KHDRBS3: variants seen among roughly 807,000 people sequenced by gnomAD.
KHDRBS3 encodes the protein KH RNA binding domain containing, signal transduction associated 3, also known as KH domain-containing, RNA-binding, signal transduction-associated protein 3.
KHDRBS3 carries 23 observed loss-of-function variants against 45.6 expected under a neutral mutation model. The observed-to-expected ratio is 0.50, with a 90% CI of 0.36 to 0.72. The LOEUF (loss-of-function observed/expected upper bound fraction) is 0.72, where lower values mean the gene tolerates loss of function less well. Ranked by LOEUF, KHDRBS3 falls within the 30% of genes least tolerant of loss-of-function variation. The pLI, the probability that KHDRBS3 is intolerant of heterozygous loss-of-function variation, is 0.00. For missense variants in KHDRBS3, 352 were observed against 424.8 expected (o/e 0.83, Z 1.51); for synonymous variants, 162 against 156.5 (o/e 1.04, Z -0.26).
At position 135,586,684 on chromosome 8, in the gene KHDRBS3, A is replaced by T. The variant is rs1039391136; in HGVS notation, c.807+4611A>T. ...GGCTTGTCATTTCTTTGGAACTCAG[A>T]AACGTAATTTTTAAAAATCTCCTTG... On this transcript the variant is annotated intron_variant, in intron 6 of 8. Transcript: ENST00000355849. 2.6e-5 allele frequency among the ~76,000 whole-genome samples: 4 copies of T among 152,322 alleles called. No homozygotes were observed. In the East Asian group the frequency reaches 7.7e-4, roughly 29 times the overall value.
chr8:135,582,165 C>T, intron 6 of KHDRBS3, 92 bp downstream of exon 6: 5 of 1,258,416 alleles, frequency 4.0e-6, no homozygotes, highest in South Asian at 2.5e-5. Context: ...GCTTCCTCAC[C>T]TTGTTTTGGT....
chr8:135,619,563 A>G (rs1205991087), intron 7 of KHDRBS3, among the ~76,000 whole-genome samples: 2 of 152,224 alleles, frequency 1.3e-5, no homozygotes, highest in Non-Finnish European at 2.9e-5. Flanking sequence ...GGGGATGACA[A>G]TAATAGTACT....
intron 1 of KHDRBS3, among the ~76,000 whole-genome samples, chr8:135,519,792 G>C (rs1478979825): frequency 1.3e-5 from 2 of 152,120 alleles, no homozygotes; most frequent in Non-Finnish European, 2.9e-5. Flanking sequence ...TTGTTTAATA[G>C]ACAATCATTT....
intron 5 of KHDRBS3, among the ~76,000 whole-genome samples, chr8:135,572,519 A>G (rs1827751783): frequency 6.6e-6 from 1 of 152,196 alleles, no homozygotes; most frequent in Non-Finnish European, 1.5e-5. Flanking sequence ...TAAAGAAAAG[A>G]AATAACCAAT....
intron 2 of KHDRBS3, chr8:135,540,929 A>C (rs1389111426): frequency 6.6e-6 from 1 of 152,178 alleles, no homozygotes; most frequent in Non-Finnish European, 1.5e-5. Context: ...AGCTCACAAA[A>C]TGGGGAAGGG....
chr8:135,647,002 A>G lies in KHDRBS3; in HGVS notation c.959A>G (p.Glu320Gly). Residue 320 changes from glutamate (E) to glycine (G), a missense_variant, in exon 9 of 9, where the codon GAG (glutamate) becomes GGG (glycine). Coordinates refer to ENST00000355849, the MANE Select transcript of KHDRBS3 (RefSeq NM_006558.3). ...ATCTTACTGATTGTAGGGCAAGAAG[A>G]GTGGACTAACTCAAGACACAAGGCA... ...EETYDSYGQE[E>G]WTNSRHKAPS... The G allele has an allele frequency of 1.3e-6, 2 of 1,585,056 alleles. No individual in the cohort carries two copies. The highest frequency in any genetic ancestry group is 1.7e-6 in the Non-Finnish European group (2 of 1,153,540).
chr8:135,650,783 C>T (rs1488560340), downstream of KHDRBS3, among the ~76,000 whole-genome samples: 1 of 152,180 alleles, frequency 6.6e-6, no homozygotes, highest in Admixed American at 6.5e-5. Context: ...ATTGTGATAA[C>T]TGCCCCCTTC....
intron 1 of KHDRBS3, among the ~76,000 whole-genome samples, chr8:135,462,837 A>G (rs1821499021): frequency 6.6e-6 from 1 of 152,150 alleles, no homozygotes; most frequent in African/African-American, 2.4e-5. Flanking sequence ...TCTCAGTAAC[A>G]CTGAGAGTCT....
chr8:135,596,049 T>G (rs1481869050), intron 6 of KHDRBS3, among the ~76,000 whole-genome samples: 3 of 152,106 alleles, frequency 2.0e-5, no homozygotes, highest in African/African-American at 7.2e-5. Flanking sequence ...GGCCAACAGC[T>G]TGGGGGAAAA....
intron 7 of KHDRBS3, among the ~76,000 whole-genome samples, chr8:135,611,324 G>C (rs898225484): frequency 6.6e-6 from 1 of 151,852 alleles, no homozygotes; most frequent in African/African-American, 2.4e-5. Flanking sequence ...GCTTCAGATC[G>C]TACAGTTTAC....
At chr8:135,537,891 G>C (rs768574851) in intron 2 of KHDRBS3, among the ~76,000 whole-genome samples, 8 of 152,084 alleles carry the variant, frequency 5.3e-5, no homozygotes, top group Non-Finnish European at 8.8e-5. Flanking sequence ...ATTTCTTACT[G>C]TCTTGCAGAT....
intron 2 of KHDRBS3, among the ~76,000 whole-genome samples, chr8:135,521,997 C>T (rs1372862819): frequency 6.6e-6 from 1 of 152,018 alleles, no homozygotes; most frequent in Non-Finnish European, 1.5e-5. Context: ...ATGTGCAGGA[C>T]GTGCAGGTTT....
At chr8:135,612,944 T>G (rs2131052483) in intron 7 of KHDRBS3, among the ~76,000 whole-genome samples, 1 of 152,002 alleles carries the variant, frequency 6.6e-6, no homozygotes, top group East Asian at 1.9e-4. Flanking sequence ...TTTACTTTTT[T>G]TACATGTGGC....
At chr8:135,646,927 T>C in intron 8 of KHDRBS3, 66 bp from the exon 9 acceptor site, 1 of 863,514 alleles carries the variant, frequency 1.2e-6, no homozygotes, top group Non-Finnish European at 2.0e-6. Context: ...TAAGTTAGAG[T>C]CTGAAAAATG....
At chr8:135,491,046 G>A (rs996823952) in intron 1 of KHDRBS3, among the ~76,000 whole-genome samples, 2 of 152,134 alleles carry the variant, frequency 1.3e-5, no homozygotes, top group South Asian at 4.1e-4. Flanking sequence ...CTGAAAATGT[G>A]ACTTCAGCCT....
intron 1 of KHDRBS3, among the ~76,000 whole-genome samples, chr8:135,485,842 T>TTATGTATATATATA (rs1554615384): frequency 8.3e-6 from 1 of 120,344 alleles, no homozygotes; most frequent in African/African-American, 3.7e-5. Context: ...CATTTCAAGT[T>TTATGTATATATATA]TATATATATA....
chr8:135,561,091 A>AT (rs1301662608), intron 5 of KHDRBS3, among the ~76,000 whole-genome samples: 7 of 152,036 alleles, frequency 4.6e-5, no homozygotes, highest in Non-Finnish European at 4.4e-5. Context: ...TAGTCTACTG[A>AT]TTATTTTGCC....
rs1032446790 is a variant in KHDRBS3 at position 135,647,246 on chromosome 8, A to G, written c.*162A>G. The G allele has an allele frequency of 2.3e-5, 3 of 129,242 alleles. 1 individual carries two copies. The highest frequency in any genetic ancestry group is 3.7e-5 in the Non-Finnish European group (3 of 80,236). 8.0% of individuals were successfully genotyped at this position (129,242 alleles called of 1,614,324 possible). ...TTTGTTGAAACATCAACCTGGGCAG[A>G]AAAAAAAAAAAAAAGACATGTAAAA... On this transcript the variant is annotated 3_prime_UTR_variant, in exon 9 of 9. Coordinates refer to ENST00000355849, the MANE Select transcript of KHDRBS3 (RefSeq NM_006558.3).
intron 3 of KHDRBS3, among the ~76,000 whole-genome samples, chr8:135,546,113 G>C (rs1389739464): frequency 6.6e-6 from 1 of 151,300 alleles, no homozygotes; most frequent in Non-Finnish European, 1.5e-5. Context: ...CTCTAACCTG[G>C]GTGAAAGAGC....
Sources: gnomAD v4.1 joint callset for allele counts (sites outside exome capture counted in the v4.1 genomes callset) on GRCh38, gnomAD v4.1.1 for gene constraint, MANE v1.5 for transcripts, NCBI Gene and HGNC (gene_info 2026-07-23, HGNC 2026-07-21) for gene names.